Variants in FAM78B observed in about 807,000 individuals in gnomAD.
The protein encoded by FAM78B is protein FAM78B.
A neutral mutation model predicts 20.0 loss-of-function variants in FAM78B; 10 were observed. The observed-to-expected ratio is 0.50, with a 90% CI of 0.31 to 0.85. FAM78B has a LOEUF of 0.85. Among genes scored for constraint, FAM78B ranks in the 40% least tolerant of loss-of-function variants. The pLI is 0.05. For missense variants in FAM78B, 283 were observed against 345.0 expected (o/e 0.82, Z 1.42); for synonymous variants, 135 against 132.8 (o/e 1.02, Z -0.12).
chr1:166,123,188 C>T (rs13375131), intron 1 of FAM78B, among the ~76,000 whole-genome samples: 7,907 of 152,248 alleles, frequency 0.052, 686 homozygotes, highest in African/African-American at 0.18. Context: ...CTGGCAGCTG[C>T]CTCCTTCTGG....
chr1:166,143,310 A>G (rs917713971), intron 1 of FAM78B, among the ~76,000 whole-genome samples: 1 of 151,992 alleles, frequency 6.6e-6, no homozygotes, highest in Non-Finnish European at 1.5e-5. Context: ...AGGAGAGGGT[A>G]AGCCTGGCTG....
intron 1 of FAM78B, among the ~76,000 whole-genome samples, chr1:166,151,930 C>T (rs1441054488): frequency 6.6e-6 from 1 of 152,204 alleles, no homozygotes; most frequent in African/African-American, 2.4e-5. Flanking sequence ...CTTAACTTTA[C>T]CCCGGGCCCA....
chr1:166,070,905 A>C, intron 1 of FAM78B, 142 bp from the exon 2 acceptor site: 1 of 791,076 alleles, frequency 1.3e-6, no homozygotes, highest in Non-Finnish European at 1.9e-6. Context: ...AAAAAGTTCT[A>C]TGCTGTGCTG....
chr1:166,136,980 G>A (rs1369626103), intron 1 of FAM78B, among the ~76,000 whole-genome samples: 1 of 152,204 alleles, frequency 6.6e-6, no homozygotes, highest in Non-Finnish European at 1.5e-5. Flanking sequence ...TACATTCTGT[G>A]AGGATACTAA....
In FAM78B at chr1:166,083,634, A is replaced by T. The variant is rs542060793; in HGVS notation, c.264-12871T>A. On this transcript the variant is annotated intron_variant, in intron 1 of 1. Transcript: ENST00000354422. Reference sequence around the variant, plus strand: ...CTTCTCCTGCCTCAGCCTCCGGAGTAGCTAGGACTACACGTGCGTGCCACC... The same window carrying T: ...CTTCTCCTGCCTCAGCCTCCGGAGTTGCTAGGACTACACGTGCGTGCCACC... Among the ~76,000 whole-genome samples, 19 of 152,220 alleles carry T rather than the reference A, an allele frequency of 1.2e-4. No individual in the cohort carries two copies. In the South Asian group the frequency reaches 3.3e-3, roughly 27 times the overall value.
At chr1:166,125,765 G>A (rs879841185) in intron 1 of FAM78B, among the ~76,000 whole-genome samples, 7 of 151,496 alleles carry the variant, frequency 4.6e-5, no homozygotes, top group Admixed American at 1.3e-4. Flanking sequence ...CGATGTAAAC[G>A]CTATGTAAAT....
intron 1 of FAM78B, among the ~76,000 whole-genome samples, chr1:166,127,116 C>T (rs1246975066): frequency 6.6e-6 from 1 of 152,212 alleles, no homozygotes; most frequent in Non-Finnish European, 1.5e-5. Flanking sequence ...ATGTCAGTAT[C>T]CTCACCTGAA....
At position 166,166,363 on chromosome 1, in the gene FAM78B, C is replaced by G; in HGVS notation, c.-115G>C. The stretch of plus-strand genomic sequence containing the variant: ...CGCGCCGCTCGCTCCCGGTCAGACT[C>G]AGCTCGCACCTAGGAGCGGGGAGCC... On this transcript the variant is annotated 5_prime_UTR_variant, in exon 1 of 2. The change abolishes the stop of an existing upstream ORF in the 5' untranslated region. Coordinates refer to ENST00000354422, the MANE Select transcript of FAM78B (RefSeq NM_001017961.5). 1.1e-6 allele frequency: 1 copy of G among 938,470 alleles called. No individual in the cohort carries two copies. The highest frequency in any genetic ancestry group is 1.3e-6 in the Non-Finnish European group (1 of 775,784). The allele number at this position is 938,470 out of a possible 1,614,324, so 58.1% of individuals were successfully genotyped here.
At chr1:166,160,368 C>A (rs753150362) in intron 1 of FAM78B, among the ~76,000 whole-genome samples, 1 of 152,210 alleles carries the variant, frequency 6.6e-6, no homozygotes, top group Non-Finnish European at 1.5e-5. Context: ...ACAACAAGGT[C>A]TCCTTGGGTA....
At chr1:166,159,723 A>T (rs12076837) in intron 1 of FAM78B, among the ~76,000 whole-genome samples, 41,618 of 152,004 alleles carry the variant, frequency 0.27, 6,028 homozygotes, top group East Asian at 0.48. Flanking sequence ...ACAAGCCACA[A>T]TTTGTTAACT....
At chr1:166,140,443 C>G (rs946225257) in intron 1 of FAM78B, among the ~76,000 whole-genome samples, 3 of 152,202 alleles carry the variant, frequency 2.0e-5, no homozygotes, top group African/African-American at 7.2e-5. Context: ...CAGACAACAG[C>G]ATTACAGGGC....
At chr1:166,162,149 G>T (rs1032903785) in intron 1 of FAM78B, among the ~76,000 whole-genome samples, 2 of 152,210 alleles carry the variant, frequency 1.3e-5, no homozygotes, top group African/African-American at 4.8e-5. Context: ...GTGTCTGAGG[G>T]ATTCGGCAAC....
chr1:166,089,472 G>A (rs980375538), intron 1 of FAM78B, among the ~76,000 whole-genome samples: 1 of 152,164 alleles, frequency 6.6e-6, no homozygotes, highest in Non-Finnish European at 1.5e-5. Flanking sequence ...ATGTGCCTGA[G>A]AGGTACCACG....
chr1:166,114,552 C>T (rs950338494), intron 1 of FAM78B, among the ~76,000 whole-genome samples: 1 of 152,158 alleles, frequency 6.6e-6, no homozygotes, highest in Admixed American at 6.5e-5. Context: ...AAGAAATGCA[C>T]TGCAAGCAAG....
At chr1:166,084,773 T>A (rs1307186827) in intron 1 of FAM78B, among the ~76,000 whole-genome samples, 1 of 152,186 alleles carries the variant, frequency 6.6e-6, no homozygotes, top group Non-Finnish European at 1.5e-5. Context: ...TGTCTCTGAC[T>A]TGCTGCTTGT....
intron 1 of FAM78B, among the ~76,000 whole-genome samples, chr1:166,135,714 G>A (rs1458092868): frequency 6.6e-6 from 1 of 152,204 alleles, no homozygotes; most frequent in African/African-American, 2.4e-5. Flanking sequence ...TTTCCACCAT[G>A]GTCTCAGGGT....
intron 1 of FAM78B, among the ~76,000 whole-genome samples, chr1:166,101,782 T>G (rs970451335): frequency 5.9e-5 from 9 of 151,896 alleles, no homozygotes; most frequent in African/African-American, 9.7e-5. Context: ...TGGAAAACAC[T>G]CTGCAGGATA....
At chr1:166,065,613 G>T (rs563492029), downstream of FAM78B, among the ~76,000 whole-genome samples, 3 of 152,290 alleles carry the variant, frequency 2.0e-5, no homozygotes, top group South Asian at 6.2e-4. Context: ...TCATGGGCAG[G>T]TGCACCGCTG....
intron 1 of FAM78B, among the ~76,000 whole-genome samples, chr1:166,093,529 C>T (rs1243754282): frequency 6.6e-6 from 1 of 152,182 alleles, no homozygotes; most frequent in African/African-American, 2.4e-5. Flanking sequence ...CATGGATCCC[C>T]ATTTTAAAGC....
Sources: allele counts gnomAD v4.1 joint callset (sites outside exome capture counted in the v4.1 genomes callset), GRCh38; gene constraint gnomAD v4.1.1; transcripts MANE v1.5; gene names NCBI Gene and HGNC (gene_info 2026-07-23, HGNC 2026-07-21).